SCRG1: variants seen among roughly 807,000 people sequenced by gnomAD.
SCRG1 encodes scrapie-responsive protein 1.
In SCRG1, 3 loss-of-function variants were observed where a neutral mutation model predicts 7.7. That is an observed-to-expected ratio of 0.39 (90% CI 0.18 to 1.01). The LOEUF (loss-of-function observed/expected upper bound fraction) is 1.01. Among genes scored for constraint, SCRG1 ranks in the 50% least tolerant of loss-of-function variants. The pLI is 0.36. For synonymous variants in SCRG1, 46 were observed against 41.2 expected (o/e 1.12, Z -0.44); for missense variants, 110 against 117.2 (o/e 0.94, Z 0.28).
chr4:173,510,389 G>A, the SCRG1 span, among the ~76,000 whole-genome samples: 1 of 151,382 alleles, frequency 6.6e-6, no homozygotes, highest in South Asian at 2.1e-4. The surrounding 1 kb of genome is among the most constrained non-coding windows in gnomAD (Gnocchi z 5.7). Context: ...GTACTCCAGG[G>A]CAACTTCAAC....
At chr4:173,452,085 C>T in the SCRG1 span, among the ~76,000 whole-genome samples, 1 of 151,976 alleles carries the variant, frequency 6.6e-6, no homozygotes, top group Non-Finnish European at 1.5e-5. Context: ...TTGTCACCAT[C>T]TTCATGACAT....
chr4:173,455,073 C>A, the SCRG1 span, among the ~76,000 whole-genome samples: 1 of 152,028 alleles, frequency 6.6e-6, no homozygotes, highest in African/African-American at 2.4e-5. Flanking sequence ...TGAAGTGACA[C>A]CTTAAATGTT....
chr4:173,514,948 A>G, the SCRG1 span, among the ~76,000 whole-genome samples: 1 of 152,160 alleles, frequency 6.6e-6, no homozygotes, highest in Non-Finnish European at 1.5e-5. Flanking sequence ...CAATAAACAG[A>G]CCCGCCCCAA....
chr4:173,434,696 G>T, the SCRG1 span, among the ~76,000 whole-genome samples: 15 of 152,208 alleles, frequency 9.9e-5, no homozygotes, highest in Admixed American at 2.6e-4. Context: ...GCCGGGTGTC[G>T]TGGTGACGCC....
At chr4:173,408,103 A>G (rs1190116927), upstream of SCRG1, among the ~76,000 whole-genome samples, 1 of 152,220 alleles carries the variant, frequency 6.6e-6, no homozygotes, top group Non-Finnish European at 1.5e-5. Flanking sequence ...ATAGGCAATG[A>G]TGATATTTTC....
chr4:173,479,977 A>T, the SCRG1 span, among the ~76,000 whole-genome samples: 2,199 of 151,880 alleles, frequency 0.014, 60 homozygotes, highest in African/African-American at 0.05. Flanking sequence ...TTTATTAAAA[A>T]TTTTTTTTGT....
intron 1 of SCRG1, among the ~76,000 whole-genome samples, chr4:173,396,853 GACCATGTTGGCCAACATGGTGAA>G (rs1342379832): frequency 6.6e-6 from 1 of 151,888 alleles, no homozygotes; most frequent in Non-Finnish European, 1.5e-5. Context: ...AAGAGATTGA[GACCATGTTGGCCAACATGGTGAA>G]ACCCCATCTC....
chr4:173,407,604 A>G (rs923560285), upstream of SCRG1, among the ~76,000 whole-genome samples: 1 of 152,200 alleles, frequency 6.6e-6, no homozygotes, highest in Non-Finnish European at 1.5e-5. Context: ...ATAGTTTTCA[A>G]TATCTTTTTA....
chr4:173,496,147 T>C, the SCRG1 span, among the ~76,000 whole-genome samples: 1 of 152,178 alleles, frequency 6.6e-6, no homozygotes, highest in African/African-American at 2.4e-5. Context: ...TCTTGAAGTC[T>C]ATGGGGGAAT....
upstream of SCRG1, among the ~76,000 whole-genome samples, chr4:173,409,100 GA>G (rs1325986527): frequency 2.0e-5 from 3 of 151,768 alleles, no homozygotes; most frequent in Non-Finnish European, 2.9e-5. Context: ...AAGGTTCTGA[GA>G]TTTCTCCATT....
chr4:173,391,512 A>AT, intron 1 of SCRG1, 84 bp from the exon 2 acceptor site: 1 of 1,386,288 alleles, frequency 7.2e-7, no homozygotes, highest in East Asian at 2.3e-5. Flanking sequence ...TAGCATGCTT[A>AT]TAAACCCTTG....
the SCRG1 span, among the ~76,000 whole-genome samples, chr4:173,488,112 A>C: frequency 6.6e-6 from 1 of 150,834 alleles, no homozygotes; most frequent in African/African-American, 2.5e-5. Flanking sequence ...TAAATAAATA[A>C]ATAAATAAAT....
At chr4:173,501,844 C>T in the SCRG1 span, among the ~76,000 whole-genome samples, 1 of 152,164 alleles carries the variant, frequency 6.6e-6, no homozygotes, top group African/African-American at 2.4e-5. This position sits in a 1 kb window ranked among gnomAD's most constrained non-coding sequence, Gnocchi z 5.1. Flanking sequence ...AACCACCGCG[C>T]GTCTTTGCAT....
chr4:173,518,340 G>C, the SCRG1 span, among the ~76,000 whole-genome samples: 2 of 152,092 alleles, frequency 1.3e-5, no homozygotes, highest in Non-Finnish European at 2.9e-5. Context: ...GAAGAGCCTC[G>C]GTTGTCTCCA....
chr4:173,491,217 CTT>C, the SCRG1 span, among the ~76,000 whole-genome samples: 1 of 133,050 alleles, frequency 7.5e-6, no homozygotes, highest in African/African-American at 2.8e-5. Flanking sequence ...CTCTCTCTCT[CTT>C]TTTTTTTTTT....
chr4:173,442,022 C>T, the SCRG1 span, among the ~76,000 whole-genome samples: 1 of 152,166 alleles, frequency 6.6e-6, no homozygotes, highest in South Asian at 2.1e-4. Context: ...TTTTGGCTCA[C>T]AATAATTACT....
At chr4:173,443,780 C>T in the SCRG1 span, among the ~76,000 whole-genome samples, 1 of 152,116 alleles carries the variant, frequency 6.6e-6, no homozygotes, top group African/African-American at 2.4e-5. Flanking sequence ...AGTCCTCCAC[C>T]TCAGCCTTCT....
the SCRG1 span, among the ~76,000 whole-genome samples, chr4:173,489,725 A>G: frequency 6.6e-6 from 1 of 152,202 alleles, no homozygotes; most frequent in Non-Finnish European, 1.5e-5. Flanking sequence ...TTTAGATAAA[A>G]CATACTTGAA....
intron 1 of SCRG1, among the ~76,000 whole-genome samples, chr4:173,394,525 T>C (rs1332863487): frequency 6.6e-6 from 1 of 152,050 alleles, no homozygotes; most frequent in East Asian, 1.9e-4. Flanking sequence ...GCGCCTGTAG[T>C]CCCAGCTACT....
Sources: allele counts gnomAD v4.1 joint callset (sites outside exome capture counted in the v4.1 genomes callset), GRCh38; gene constraint gnomAD v4.1.1; non-coding constraint Gnocchi (gnomAD v3.1); transcripts MANE v1.5; gene names NCBI Gene and HGNC (gene_info 2026-07-23, HGNC 2026-07-21).